The following RAP1A variants were observed in gnomAD, a reference collection of about 807,000 sequenced individuals.
The protein encoded by RAP1A is ras-related protein Rap-1A.
In RAP1A, 6 loss-of-function variants were observed where a neutral mutation model predicts 26.4. The observed-to-expected ratio is 0.23, with a 90% CI of 0.12 to 0.45. The LOEUF (loss-of-function observed/expected upper bound fraction) is 0.45. Ranked by LOEUF, RAP1A falls within the 20% of genes least tolerant of loss-of-function variation. The probability of loss-of-function intolerance (pLI) is 0.99; values close to 1 mark genes in which losing one functional copy is unlikely to be tolerated. For missense variants in RAP1A, 121 were observed against 217.2 expected (o/e 0.56, Z 2.78); for synonymous variants, 73 against 79.4 (o/e 0.92, Z 0.43).
intron 1 of RAP1A, among the ~76,000 whole-genome samples, chr1:111,639,939 A>T (rs1219582632): frequency 6.6e-6 from 1 of 152,218 alleles, no homozygotes; most frequent in Non-Finnish European, 1.5e-5. Flanking sequence ...CACAATGGTG[A>T]TTTTGTGTCG....
At chr1:111,639,212 T>C (rs1193615633) in intron 1 of RAP1A, among the ~76,000 whole-genome samples, 1 of 152,194 alleles carries the variant, frequency 6.6e-6, no homozygotes, top group East Asian at 1.9e-4. Flanking sequence ...ATTTCTGTAG[T>C]TCTCTACTTA....
At position 111,712,750 on chromosome 1, in the gene RAP1A, CTTTTTATCA is replaced by C. The variant is rs969355047; in HGVS notation, c.*351_*359del. ...TATAATCAAATGATTTCATATTGAT[CTTTTTATCA>C]TGATCCTCCCTATCAAGCACTAAAA... On this transcript the variant is annotated 3_prime_UTR_variant, in exon 8 of 8. Coordinates refer to ENST00000369709, the MANE Select transcript of RAP1A (RefSeq NM_002884.4). 2.0e-5 allele frequency: 3 copies of C among 152,478 alleles called. No homozygotes were observed. Among genetic ancestry groups the C allele is most frequent in the Non-Finnish European group, 4.4e-5 (3 of 67,928 alleles). The allele number at this position is 152,478 out of a possible 1,614,324, so 9.4% of individuals were successfully genotyped here. A position where few individuals can be genotyped will look rare whatever the true frequency, so the allele number is the denominator to read the frequency against.
chr1:111,662,240 A>G (rs1023530605), intron 1 of RAP1A, among the ~76,000 whole-genome samples: 1 of 151,138 alleles, frequency 6.6e-6, no homozygotes, highest in African/African-American at 2.4e-5. Context: ...CTAAAAATAC[A>G]AAAAATTAGC....
intron 1 of RAP1A, among the ~76,000 whole-genome samples, chr1:111,560,285 T>C: frequency 6.6e-6 from 1 of 151,978 alleles, no homozygotes; most frequent in East Asian, 1.9e-4. Context: ...TCTCAGCCTT[T>C]TGGCTAAAAT....
intron 1 of RAP1A, among the ~76,000 whole-genome samples, chr1:111,646,647 TCTC>T (rs1204412361): frequency 1.3e-5 from 2 of 152,028 alleles, no homozygotes; most frequent in Non-Finnish European, 2.9e-5. Flanking sequence ...TTCACGCCAT[TCTC>T]CTGCCTCAGC....
intron 1 of RAP1A, among the ~76,000 whole-genome samples, chr1:111,576,352 C>G (rs1658146857): frequency 2.0e-5 from 3 of 152,076 alleles, no homozygotes. Context: ...AAATTGAATC[C>G]TATATTTGTA....
chr1:111,702,408 TTTAAAA>T (rs1268417291), intron 4 of RAP1A, among the ~76,000 whole-genome samples: 3 of 152,168 alleles, frequency 2.0e-5, no homozygotes, highest in Non-Finnish European at 4.4e-5. Flanking sequence ...TAAAAGGAAG[TTTAAAA>T]TTAAGTAATT....
chr1:111,703,237 T>G (rs941314380), intron 4 of RAP1A, 99 bp from the exon 5 acceptor site: 9 of 827,772 alleles, frequency 1.1e-5, no homozygotes, highest in Non-Finnish European at 1.4e-5. Flanking sequence ...TAGCAAGTAA[T>G]AAAAAATGTT....
intron 1 of RAP1A, among the ~76,000 whole-genome samples, chr1:111,606,587 G>A (rs553302665): frequency 2.0e-4 from 31 of 152,266 alleles, no homozygotes; most frequent in African/African-American, 6.5e-4. Flanking sequence ...GTGCCCAGCC[G>A]TGCTTAGCAC....
At chr1:111,689,731 G>A (rs188196013) in intron 1 of RAP1A, among the ~76,000 whole-genome samples, 104 of 152,044 alleles carry the variant, frequency 6.8e-4, no homozygotes, top group African/African-American at 2.5e-3. Flanking sequence ...GTGCAGTGGC[G>A]CGATCTCAGC....
chr1:111,547,382 A>G (rs1297727001), intron 1 of RAP1A, among the ~76,000 whole-genome samples: 1 of 152,032 alleles, frequency 6.6e-6, no homozygotes, highest in South Asian at 2.1e-4. Flanking sequence ...TTAATATTAT[A>G]TTGATTAATT....
chr1:111,597,850 T>A (rs373458473), intron 1 of RAP1A, among the ~76,000 whole-genome samples: 568 of 152,320 alleles, frequency 3.7e-3, no homozygotes, highest in South Asian at 0.018. Flanking sequence ...CATTAATGAC[T>A]CTATTGAGTT....
At chr1:111,623,264 G>A (rs1659279340) in intron 1 of RAP1A, among the ~76,000 whole-genome samples, 1 of 151,724 alleles carries the variant, frequency 6.6e-6, no homozygotes, top group South Asian at 2.1e-4. Context: ...GACCTCAAGT[G>A]ATCCAGCCAC....
chr1:111,624,747 G>A (rs563605398), intron 1 of RAP1A, among the ~76,000 whole-genome samples: 2 of 152,268 alleles, frequency 1.3e-5, no homozygotes, highest in South Asian at 2.1e-4. Flanking sequence ...AGGAAATAAC[G>A]TGCGTTTATA....
chr1:111,553,284 G>T (rs1657345429), intron 1 of RAP1A, among the ~76,000 whole-genome samples: 1 of 152,208 alleles, frequency 6.6e-6, no homozygotes, highest in African/African-American at 2.4e-5. Flanking sequence ...GAGTTTCCTA[G>T]GCTTGGGATT....
intron 1 of RAP1A, among the ~76,000 whole-genome samples, chr1:111,573,149 T>C (rs1265626322): frequency 4.6e-5 from 7 of 152,238 alleles, no homozygotes; most frequent in Admixed American, 6.5e-5. Context: ...CAGTCTATCA[T>C]TGATGGGCAT....
intron 1 of RAP1A, among the ~76,000 whole-genome samples, chr1:111,671,765 C>T (rs1048965831): frequency 8.5e-5 from 13 of 152,212 alleles, no homozygotes; most frequent in Admixed American, 3.9e-4. Context: ...TGAGCCACTA[C>T]GCCCTGCCAG....
upstream of RAP1A, among the ~76,000 whole-genome samples, chr1:111,618,726 C>CT (rs1376671484): frequency 1.3e-5 from 2 of 152,220 alleles, no homozygotes; most frequent in Non-Finnish European, 2.9e-5. Flanking sequence ...TTAACTCAGT[C>CT]ATCAGGCCCG....
At chr1:111,695,545 C>A (rs1661801376) in intron 3 of RAP1A, 136 bp downstream of exon 3, 2 of 563,276 alleles carry the variant, frequency 3.6e-6, no homozygotes, top group Non-Finnish European at 5.9e-6. Flanking sequence ...AAAGTTTCAT[C>A]AAGACAGAAC....
Sources: gnomAD v4.1 joint callset for allele counts (sites outside exome capture counted in the v4.1 genomes callset) on GRCh38, gnomAD v4.1.1 for gene constraint, MANE v1.5 for transcripts, NCBI Gene and HGNC (gene_info 2026-07-23, HGNC 2026-07-21) for gene names.